Variants in REDIC1 observed in about 807,000 individuals in gnomAD.
REDIC1 encodes the protein regulator of DNA class I crossover intermediates 1, also known as HEI10 Interacting Protein 1.
chr12:39,895,971 T>C, the REDIC1 span, among the ~76,000 whole-genome samples: 1 of 145,134 alleles, frequency 6.9e-6, no homozygotes. Context: ...TATACATGTG[T>C]ATATGTATAC....
chr12:39,753,410 T>C, the REDIC1 span, among the ~76,000 whole-genome samples: 1 of 148,432 alleles, frequency 6.7e-6, no homozygotes, highest in Non-Finnish European at 1.5e-5. Context: ...TTTTATTTCT[T>C]GACTGTGAGA....
chr12:39,899,581 A>G, the REDIC1 span, among the ~76,000 whole-genome samples: 1 of 151,808 alleles, frequency 6.6e-6, no homozygotes, highest in African/African-American at 2.4e-5. Flanking sequence ...TTAGGGTGTC[A>G]ATTTTGGATC....
the REDIC1 span, among the ~76,000 whole-genome samples, chr12:39,848,241 A>G: frequency 6.6e-6 from 1 of 152,216 alleles, no homozygotes; most frequent in African/African-American, 2.4e-5. Context: ...GTAAACAGAC[A>G]ACCTACAGAA....
At chr12:39,741,345 C>T in the REDIC1 span, among the ~76,000 whole-genome samples, 1 of 152,074 alleles carries the variant, frequency 6.6e-6, no homozygotes, top group Non-Finnish European at 1.5e-5. Flanking sequence ...TGGGGATGGA[C>T]AAGAATATCG....
At chr12:39,786,962 C>T in the REDIC1 span, among the ~76,000 whole-genome samples, 1 of 149,322 alleles carries the variant, frequency 6.7e-6, no homozygotes, top group Non-Finnish European at 1.5e-5. Flanking sequence ...TAATCAGAGA[C>T]ATGGGCATAT....
At chr12:39,741,594 T>C in the REDIC1 span, among the ~76,000 whole-genome samples, 2 of 152,138 alleles carry the variant, frequency 1.3e-5, no homozygotes, top group Admixed American at 6.5e-5. Context: ...CTGGGAAAAA[T>C]AAAAACCCAG....
chr12:39,859,333 GAAAA>G, the REDIC1 span, among the ~76,000 whole-genome samples: 971 of 62,058 alleles, frequency 0.016, 23 homozygotes, highest in African/African-American at 0.06. Flanking sequence ...TTTTTTTTCT[GAAAA>G]AAAAAAAAAA....
chr12:39,711,829 GTA>G, the REDIC1 span, among the ~76,000 whole-genome samples: 54,512 of 79,398 alleles, frequency 0.69, 20,849 homozygotes, highest in Non-Finnish European at 0.76. Flanking sequence ...ACATGCATGT[GTA>G]TATGTGTGTA....
the REDIC1 span, among the ~76,000 whole-genome samples, chr12:39,653,590 TC>T: frequency 6.7e-5 from 9 of 134,164 alleles, no homozygotes; most frequent in African/African-American, 2.4e-4. Flanking sequence ...CTCTTCTTCT[TC>T]CTCTTCTTCT....
the REDIC1 span, chr12:39,754,900 C>T: frequency 6.6e-6 from 1 of 151,792 alleles, no homozygotes; most frequent in Non-Finnish European, 1.5e-5. Context: ...AATAAAATAT[C>T]ATTAAAATGA....
the REDIC1 span, among the ~76,000 whole-genome samples, chr12:39,849,658 C>A: frequency 6.6e-6 from 1 of 152,150 alleles, no homozygotes; most frequent in South Asian, 2.1e-4. Context: ...CAATTTCTCT[C>A]TGACAGGATA....
the REDIC1 span, among the ~76,000 whole-genome samples, chr12:39,730,165 G>A: frequency 2.0e-5 from 3 of 152,144 alleles, no homozygotes; most frequent in Non-Finnish European, 4.4e-5. Flanking sequence ...TACATTTAAG[G>A]TTAATATTGT....
At chr12:39,798,519 T>A in the REDIC1 span, among the ~76,000 whole-genome samples, 1 of 152,248 alleles carries the variant, frequency 6.6e-6, no homozygotes, top group Admixed American at 6.5e-5. Context: ...TATTAATTCA[T>A]CAAAAATTTA....
At chr12:39,654,712 C>T in the REDIC1 span, among the ~76,000 whole-genome samples, 1 of 151,520 alleles carries the variant, frequency 6.6e-6, no homozygotes, top group Non-Finnish European at 1.5e-5. Flanking sequence ...TTTTTTATTT[C>T]TTCGTGATTG....
At chr12:39,810,702 A>C in the REDIC1 span, among the ~76,000 whole-genome samples, 1 of 152,122 alleles carries the variant, frequency 6.6e-6, no homozygotes, top group East Asian at 1.9e-4. Context: ...GAATTTAATC[A>C]ATTTATTTTC....
chr12:39,627,284 T>A, the REDIC1 span, among the ~76,000 whole-genome samples: 11 of 152,258 alleles, frequency 7.2e-5, no homozygotes, highest in Admixed American at 5.9e-4. Flanking sequence ...GAATTACTTC[T>A]GGCTAGTGTT....
chr12:39,682,867 A>G, the REDIC1 span: 1 of 1,612,686 alleles, frequency 6.2e-7, no homozygotes, highest in Admixed American at 1.7e-5. Flanking sequence ...TGAGCAAAGG[A>G]TAAAGAAAAC....
At chr12:39,863,040 A>G in the REDIC1 span, among the ~76,000 whole-genome samples, 1 of 152,156 alleles carries the variant, frequency 6.6e-6, no homozygotes, top group Non-Finnish European at 1.5e-5. Context: ...AAAGCCTAAT[A>G]TGTTACTCAT....
the REDIC1 span, among the ~76,000 whole-genome samples, chr12:39,734,498 T>A: frequency 6.6e-6 from 1 of 152,192 alleles, no homozygotes; most frequent in Non-Finnish European, 1.5e-5. Context: ...CTTCCTGAAG[T>A]TTTTTATTTT....
Sources: gnomAD v4.1 joint callset for allele counts (sites outside exome capture counted in the v4.1 genomes callset) on GRCh38, gnomAD v4.1.1 for gene constraint, MANE v1.5 for transcripts, NCBI Gene and HGNC (gene_info 2026-07-23, HGNC 2026-07-21) for gene names.